CACNA1I: variants seen among roughly 807,000 people sequenced by gnomAD.
The protein encoded by CACNA1I is calcium voltage-gated channel subunit alpha1 I, also known as voltage-dependent T-type calcium channel subunit alpha-1I.
CACNA1I carries 74 observed loss-of-function variants against 201.6 expected under a neutral mutation model. The observed-to-expected ratio is 0.37, with a 90% CI of 0.30 to 0.45. CACNA1I has a LOEUF of 0.45. Among genes scored for constraint, CACNA1I ranks in the 20% least tolerant of loss-of-function variants. CACNA1I has a pLI of 1.00. For synonymous variants in CACNA1I, 1,431 were observed against 1,345.2 expected, an observed-to-expected ratio of 1.06 and a Z score of -1.40; for missense variants, 2,346 against 3,138.1, an observed-to-expected ratio of 0.75 and a Z score of 6.03.
intron 1 of CACNA1I, among the ~76,000 whole-genome samples, chr22:39,575,685 G>A (rs1932321578): frequency 6.6e-6 from 1 of 152,034 alleles, no homozygotes; most frequent in African/African-American, 2.4e-5. Context: ...TCTCCAGCAG[G>A]GCACCTCTGG....
chr22:39,670,131 G>A lies in CACNA1I; in HGVS notation c.4288G>A (p.Val1430Met), dbSNP rs1935325441. Reference sequence around the variant, plus strand: ...TGTGCTCAACATGTTTGTGGGTGTCGTGGTGGAGAACTTCCACAAGTGCCG... The same window carrying A: ...TGTGCTCAACATGTTTGTGGGTGTCATGGTGGAGAACTTCCACAAGTGCCG... ...FFVLNMFVGV[V>M]VENFHKCRQH... Residue 1430 changes from valine (V) to methionine (M), a missense_variant, in exon 25 of 37, where the codon GTG becomes ATG. By Grantham distance (21) the Val-to-Met change is conservative. Around this residue, in one of 13 missense-constraint regions of CACNA1I, gnomAD observed 228 missense variants for 395.7 expected, o/e 0.58. Coordinates refer to ENST00000402142, the MANE Select transcript of CACNA1I (RefSeq NM_021096.4). The A allele has an allele frequency of 1.9e-6, 3 of 1,613,950 alleles. No homozygotes were observed. Among genetic ancestry groups the A allele is most frequent in the Non-Finnish European group, 1.7e-6 (2 of 1,179,882 alleles).
Position 39,668,831 on chromosome 22 carries a change from C to T in CACNA1I, c.4194+450C>T, listed in dbSNP as rs73888108. ...CAGGTAGTGTTAGGTGGTCTGCAAG[C>T]CCCCGGGTGTGCCATGACAAGGGGC... On this transcript the variant is annotated intron_variant, in intron 24 of 36. Coordinates refer to ENST00000402142, the MANE Select transcript of CACNA1I (RefSeq NM_021096.4). Among the ~76,000 whole-genome samples the T allele has an allele frequency of 5.3e-3, 803 of 152,202 alleles. 7 individuals carry two copies. The highest frequency in any genetic ancestry group is 0.018 in the African/African-American group (762 of 41,522).
rs1184302246 is a variant in CACNA1I at position 39,584,798 on chromosome 22, G to A, written c.237-13353G>A. On this transcript the variant is annotated intron_variant, in intron 1 of 36. Transcript: ENST00000402142. ...ATGGATGGAGGAAACAAACCACACT[G>A]GTATTATTAGCAACTTCTGTGGCTG... Among the ~76,000 whole-genome samples, 5 of 152,166 alleles carry A rather than the reference G, an allele frequency of 3.3e-5. No individual in the cohort carries two copies. In the East Asian group the frequency reaches 9.6e-4, roughly 29 times the overall value.
In CACNA1I at chr22:39,649,842, G is replaced by A. The variant is rs761797698; in HGVS notation, c.1909G>A (p.Val637Met). Residue 637 changes from valine to methionine, a missense_variant, in exon 10 of 37, where the codon GTG (valine) becomes ATG (methionine). This residue lies in a region of CACNA1I where 312 missense variants were observed against 331.5 expected (regional missense o/e 0.94). Transcript: ENST00000402142. This position sits in a 1 kb window ranked among gnomAD's most constrained non-coding sequence, Gnocchi z 7.3. ...RETRAKLRGI[V>M]DSKYFNRGIM... ...GACGCGAGCCAAGCTGCGCGGCATC[G>A]TGGACAGCAAGTACTTCAACCGGGG... 16 of 1,613,490 alleles carry A rather than the reference G, an allele frequency of 9.9e-6. No individual in the cohort carries two copies. The highest frequency in any genetic ancestry group is 5.5e-5 in the South Asian group (5 of 91,086).
In CACNA1I at chr22:39,689,426, C is replaced by G. The variant is rs1935974002; in HGVS notation, c.*3021C>G. The G allele has an allele frequency of 6.5e-6, 1 of 152,754 alleles. No individual in the cohort carries two copies. 9.5% of individuals were successfully genotyped at this position (152,754 alleles called of 1,614,324 possible). ...GTGTAAGGGCTTGGGGTCTTAGAAG[C>G]TGCTCTTTAGCCCAGATACACATAC... On this transcript the variant is annotated 3_prime_UTR_variant, in exon 37 of 37. Coordinates refer to ENST00000402142, the MANE Select transcript of CACNA1I (RefSeq NM_021096.4).
chr22:39,583,201 C>A (rs1601793586), intron 1 of CACNA1I, among the ~76,000 whole-genome samples: 1 of 130,826 alleles, frequency 7.6e-6, no homozygotes, highest in Non-Finnish European at 1.7e-5. Context: ...TCCAACAATC[C>A]ATCCATCCAT....
chr22:39,582,387 GC>G (rs1932584133), intron 1 of CACNA1I, among the ~76,000 whole-genome samples: 1 of 152,142 alleles, frequency 6.6e-6, no homozygotes, highest in African/African-American at 2.4e-5. Context: ...GGGAGGATGT[GC>G]TACTGGTTTC....
intron 4 of CACNA1I, among the ~76,000 whole-genome samples, chr22:39,621,408 A>G (rs1933740067): frequency 1.3e-5 from 2 of 151,902 alleles, no homozygotes; most frequent in Non-Finnish European, 2.9e-5. Context: ...CACCCAGCCA[A>G]CCTCTGTGGT....
chr22:39,650,920 G>C (rs1192272099), intron 10 of CACNA1I, among the ~76,000 whole-genome samples: 1 of 152,168 alleles, frequency 6.6e-6, no homozygotes, highest in Non-Finnish European at 1.5e-5. Flanking sequence ...GGCCTCTGTG[G>C]GGACACGGGA....
At chr22:39,579,121 C>T (rs1932463761) in intron 1 of CACNA1I, among the ~76,000 whole-genome samples, 1 of 152,256 alleles carries the variant, frequency 6.6e-6, no homozygotes, top group Non-Finnish European at 1.5e-5. Context: ...GGGCTTACGC[C>T]TCTGACGTTA....
Position 39,686,465 on chromosome 22 carries a change from A to G in CACNA1I, c.*60A>G. On this transcript the variant is annotated 3_prime_UTR_variant, in exon 37 of 37. Transcript: ENST00000402142. The stretch of plus-strand genomic sequence containing the variant: ...CCCGTCTCACCTTCTTTACCTCAGG[A>G]GCCAGGAGCAGACAGCAATACTTCG... The G allele has an allele frequency of 8.8e-7, 1 of 1,130,932 alleles. No homozygotes were observed. Among genetic ancestry groups the G allele is most frequent in the Non-Finnish European group, 1.1e-6 (1 of 898,414 alleles). The allele number at this position is 1,130,932 out of a possible 1,614,324, so 70.1% of individuals were successfully genotyped here.
At chr22:39,599,550 C>T (rs1370550273) in intron 2 of CACNA1I, among the ~76,000 whole-genome samples, 2 of 128,200 alleles carry the variant, frequency 1.6e-5, no homozygotes, top group Admixed American at 9.2e-5. Context: ...ACCCGGGAGG[C>T]GGAGCTTGCA....
At chr22:39,589,346 C>A (rs1158250479) in intron 1 of CACNA1I, among the ~76,000 whole-genome samples, 1 of 152,146 alleles carries the variant, frequency 6.6e-6, no homozygotes, top group Non-Finnish European at 1.5e-5. Flanking sequence ...TGGGTCCTAG[C>A]GTGGGCATAT....
chr22:39,571,636 G>A (rs1373508261), intron 1 of CACNA1I, among the ~76,000 whole-genome samples: 1 of 152,158 alleles, frequency 6.6e-6, no homozygotes, highest in Non-Finnish European at 1.5e-5. Flanking sequence ...GAGCCTCAGG[G>A]TCCTCTCACT....
chr22:39,634,011 A>G (rs1482083243), intron 4 of CACNA1I, among the ~76,000 whole-genome samples: 2 of 152,228 alleles, frequency 1.3e-5, no homozygotes, highest in Admixed American at 1.3e-4. Context: ...GGCACGTACT[A>G]CAACCACTCT....
intron 3 of CACNA1I, among the ~76,000 whole-genome samples, chr22:39,604,817 A>T (rs1203529344): frequency 6.6e-6 from 1 of 151,178 alleles, no homozygotes; most frequent in African/African-American, 2.4e-5. Context: ...GGTTCAAGTG[A>T]TCCTCCCACC....
Position 39,648,103 on chromosome 22 carries a change from G to A in CACNA1I, c.1567+177G>A, listed in dbSNP as rs1446806388. Among the ~76,000 whole-genome samples the A allele has an allele frequency of 6.6e-6, 1 of 152,186 alleles. No individual in the cohort carries two copies. The highest frequency in any genetic ancestry group is 1.5e-5 in the Non-Finnish European group (1 of 68,024). On this transcript the variant is annotated intron_variant, in intron 9 of 36. Coordinates refer to ENST00000402142, the MANE Select transcript of CACNA1I (RefSeq NM_021096.4). The surrounding 1 kb of genome is among the most constrained non-coding windows in gnomAD (Gnocchi z 5.4). ...GGGCCCCCAGCACGTGGCCGTCCAC[G>A]GCGGGAGTCAGCCACCCCAGGCCCT...
intron 1 of CACNA1I, among the ~76,000 whole-genome samples, chr22:39,585,761 A>C (rs1932734119): frequency 9.1e-6 from 1 of 109,754 alleles, no homozygotes; most frequent in Non-Finnish European, 1.7e-5. Context: ...ATGCGGTCTC[A>C]CTATGCTGCC....
intron 29 of CACNA1I, among the ~76,000 whole-genome samples, chr22:39,675,416 T>C (rs550137712): frequency 1.3e-5 from 2 of 152,306 alleles, no homozygotes; most frequent in African/African-American, 4.8e-5. Flanking sequence ...GGTTCTATCA[T>C]GACTCCCAAA....
Sources: gnomAD v4.1 joint callset for allele counts (sites outside exome capture counted in the v4.1 genomes callset) on GRCh38, gnomAD v4.1.1 for gene constraint, gnomAD v4.1.1 regional missense constraint, Gnocchi (gnomAD v3.1) non-coding constraint, MANE v1.5 for transcripts, NCBI Gene and HGNC (gene_info 2026-07-23, HGNC 2026-07-21) for gene names.